Variants in GALNT1 observed in about 807,000 individuals in gnomAD.
GALNT1 encodes the protein polypeptide N-acetylgalactosaminyltransferase 1.
In GALNT1, 17 loss-of-function variants were observed where a neutral mutation model predicts 65.7. That is an observed-to-expected ratio of 0.26 (90% CI 0.18 to 0.39). The LOEUF is 0.39. GALNT1 is among the 10% of genes least tolerant of loss of function. GALNT1 has a pLI of 1.00. For synonymous variants in GALNT1, 210 were observed against 219.7 expected (o/e 0.96, Z 0.39); for missense variants, 460 against 672.8 (o/e 0.68, Z 3.50).
chr18:35,680,188 A>G (rs1295900014), intron 4 of GALNT1, among the ~76,000 whole-genome samples: 2 of 152,100 alleles, frequency 1.3e-5, no homozygotes, highest in East Asian at 1.9e-4. Context: ...AGGGCCTTCA[A>G]TTGTACTGAT....
intron 5 of GALNT1, 25 bp from the exon 6 acceptor site, chr18:35,686,991 T>A (rs1568032631): frequency 6.3e-7 from 1 of 1,590,678 alleles, no homozygotes; most frequent in Non-Finnish European, 8.6e-7. Context: ...TTGAAAGATT[T>A]CTTAACTTGC....
At chr18:35,604,228 G>A (rs1598781913) in intron 1 of GALNT1, among the ~76,000 whole-genome samples, 1 of 152,140 alleles carries the variant, frequency 6.6e-6, no homozygotes, top group East Asian at 1.9e-4. Flanking sequence ...TTGCATTCAT[G>A]TTGTTGCAAA....
intron 4 of GALNT1, among the ~76,000 whole-genome samples, chr18:35,681,380 C>G (rs897140793): frequency 1.1e-4 from 16 of 152,010 alleles, no homozygotes; most frequent in African/African-American, 3.6e-4. Flanking sequence ...AAGAAGACAC[C>G]TATATCCTAA....
chr18:35,683,995 A>G (rs2047827122), intron 5 of GALNT1, among the ~76,000 whole-genome samples: 1 of 152,244 alleles, frequency 6.6e-6, no homozygotes, highest in South Asian at 2.1e-4. Context: ...GTAGAAGAGA[A>G]TGGAGAGAAG....
At chr18:35,668,187 A>C (rs958095439) in intron 3 of GALNT1, among the ~76,000 whole-genome samples, 1 of 152,204 alleles carries the variant, frequency 6.6e-6, no homozygotes, top group Non-Finnish European at 1.5e-5. Flanking sequence ...GGAAGAGTGG[A>C]AACTTAAAAC....
chr18:35,709,216 A>G (rs990273164), intron 11 of GALNT1, among the ~76,000 whole-genome samples: 1 of 152,234 alleles, frequency 6.6e-6, no homozygotes, highest in African/African-American at 2.4e-5. Flanking sequence ...GTTTGAAAAT[A>G]GGTTGAGGAT....
intron 8 of GALNT1, among the ~76,000 whole-genome samples, chr18:35,691,822 A>T (rs945119846): frequency 6.6e-6 from 1 of 152,212 alleles, no homozygotes; most frequent in African/African-American, 2.4e-5. Context: ...CAGGGTGCAC[A>T]GTTCAGTGAG....
chr18:35,609,706 G>A (rs1201671047), intron 1 of GALNT1, among the ~76,000 whole-genome samples: 1 of 152,102 alleles, frequency 6.6e-6, no homozygotes, highest in South Asian at 2.1e-4. Context: ...AAGCATTTGG[G>A]AGAAAACAGT....
At chr18:35,604,667 A>C (rs1233015781) in intron 1 of GALNT1, among the ~76,000 whole-genome samples, 1 of 152,118 alleles carries the variant, frequency 6.6e-6, no homozygotes, top group Non-Finnish European at 1.5e-5. Context: ...TAATGATTAG[A>C]GATGTTGAAC....
rs1208869617 is a variant in GALNT1 at position 35,654,599 on chromosome 18, T to G, written c.-64T>G. On this transcript the variant is annotated 5_prime_UTR_variant, in exon 2 of 12. Transcript: ENST00000269195. ...TTCTGATGAAACTGGATTGGAATAA[T>G]TTTCATGATCTTTGTATATTTATAT... 55 of 943,252 alleles carry G rather than the reference T, an allele frequency of 5.8e-5. No homozygotes were observed. The highest frequency in any genetic ancestry group is 7.2e-5 in the Non-Finnish European group (52 of 720,422). The allele number at this position is 943,252 out of a possible 1,614,324, so 58.4% of individuals were successfully genotyped here. A position where few individuals can be genotyped will look rare whatever the true frequency, so the allele number is the denominator to read the frequency against.
chr18:35,660,931 G>A (rs1008546238), intron 2 of GALNT1, among the ~76,000 whole-genome samples: 3 of 152,090 alleles, frequency 2.0e-5, no homozygotes, highest in Non-Finnish European at 2.9e-5. Flanking sequence ...GTAGGTTAGA[G>A]TACATAATGC....
intron 1 of GALNT1, among the ~76,000 whole-genome samples, chr18:35,601,656 A>G (rs1466244962): frequency 6.6e-6 from 1 of 152,204 alleles, no homozygotes; most frequent in Non-Finnish European, 1.5e-5. Flanking sequence ...CAGAAAAGAT[A>G]CTTGATATAA....
At chr18:35,650,569 C>T (rs766450329) in intron 1 of GALNT1, among the ~76,000 whole-genome samples, 2 of 152,164 alleles carry the variant, frequency 1.3e-5, no homozygotes, top group Admixed American at 6.5e-5. Context: ...TTATCTACAA[C>T]CATAAAAGAC....
chr18:35,677,798 T>G, intron 4 of GALNT1, 41 bp downstream of exon 4: 2 of 1,472,894 alleles, frequency 1.4e-6, no homozygotes, highest in Non-Finnish European at 1.9e-6. Context: ...GCTACACCTT[T>G]TGTCACTAAC....
At chr18:35,612,564 C>T (rs1315905476) in intron 1 of GALNT1, among the ~76,000 whole-genome samples, 1 of 152,114 alleles carries the variant, frequency 6.6e-6, no homozygotes, top group Non-Finnish European at 1.5e-5. Context: ...TAGATGGAGT[C>T]ATGTAGTATT....
rs182581030 is a variant in GALNT1 at position 35,709,424 on chromosome 18, A to G, written c.1534-200A>G. Among the ~76,000 whole-genome samples the G allele has an allele frequency of 7.7e-3, 1,087 of 141,108 alleles. 13 individuals are homozygous for G. Among genetic ancestry groups the G allele is most frequent in the African/African-American group, 0.026 (1,010 of 38,126 alleles). The allele number at this position is 141,108 out of a possible 152,430, so 92.6% of individuals were successfully genotyped here. ...CCCTCATACCTCTTTATCGACCTAC[A>G]TATCTACCTACTTCTCTCTCTCTCT... On this transcript the variant is annotated intron_variant, in intron 11 of 11. Coordinates refer to ENST00000269195, the MANE Select transcript of GALNT1 (RefSeq NM_020474.4).
chr18:35,621,236 T>C lies in GALNT1; in HGVS notation c.-103-33324T>C, dbSNP rs140523874. 1.7e-4 allele frequency among the ~76,000 whole-genome samples: 25 copies of C among 149,654 alleles called. 3 individuals carry two copies. Among genetic ancestry groups the C allele is most frequent in the Non-Finnish European group, 1.8e-4 (12 of 67,592 alleles). On this transcript the variant is annotated intron_variant, in intron 1 of 11. Transcript: ENST00000269195. ...TTCTGTTGCCCAGGCTGGAGTGCAG[T>C]AGTGGGATCACAGCTCACTGCAACC...
At chr18:35,611,052 G>A (rs563316895) in intron 1 of GALNT1, among the ~76,000 whole-genome samples, 2 of 152,032 alleles carry the variant, frequency 1.3e-5, no homozygotes, top group Admixed American at 1.3e-4. Flanking sequence ...CCTTGAGTTG[G>A]ATAGGGTGGG....
chr18:35,603,174 G>T (rs545665614), intron 1 of GALNT1, among the ~76,000 whole-genome samples: 12 of 152,142 alleles, frequency 7.9e-5, no homozygotes, highest in Non-Finnish European at 1.5e-4. Flanking sequence ...CAAGCTTCTT[G>T]TGGGTTGAGG....
Sources: allele counts gnomAD v4.1 joint callset (sites outside exome capture counted in the v4.1 genomes callset), GRCh38; gene constraint gnomAD v4.1.1; transcripts MANE v1.5; gene names NCBI Gene and HGNC (gene_info 2026-07-23, HGNC 2026-07-21).